Variants in ELAPOR2 observed in about 807,000 individuals in gnomAD.
The protein encoded by ELAPOR2 is endosome/lysosome-associated apoptosis and autophagy regulator family member 2.
Under a neutral mutation model 120.7 loss-of-function variants are expected in ELAPOR2, and 89 were observed. The observed-to-expected ratio is 0.74, with a 90% confidence interval of 0.62 to 0.88. The LOEUF (loss-of-function observed/expected upper bound fraction) is 0.88. Among genes scored for constraint, ELAPOR2 ranks in the 40% least tolerant of loss-of-function variants. The pLI, the probability that ELAPOR2 is intolerant of heterozygous loss-of-function variation, is 0.00. For missense variants in ELAPOR2, 1,134 were observed against 1,251.6 expected (o/e 0.91, Z 1.42); for synonymous variants, 444 against 444.9 (o/e 1.00, Z 0.03).
At chr7:87,037,528 C>T (rs918688922) in intron 1 of ELAPOR2, among the ~76,000 whole-genome samples, 1 of 152,154 alleles carries the variant, frequency 6.6e-6, no homozygotes, top group Admixed American at 6.5e-5. Flanking sequence ...CTCTCCCTCT[C>T]CATTCATACT....
intron 1 of ELAPOR2, among the ~76,000 whole-genome samples, chr7:87,051,481 A>G (rs367974456): frequency 1.2e-3 from 179 of 152,384 alleles, no homozygotes; most frequent in African/African-American, 4.1e-3. Context: ...CATGAGAATA[A>G]TAACTGATAT....
chr7:86,946,159 T>TCTCA (rs148805286), intron 3 of ELAPOR2, among the ~76,000 whole-genome samples: 3 of 146,290 alleles, frequency 2.1e-5, no homozygotes, highest in African/African-American at 7.6e-5. Context: ...ATACCATTTC[T>TCTCA]CACACACACA....
intron 9 of ELAPOR2, 104 bp from the exon 10 acceptor site, chr7:86,925,760 G>A: frequency 9.2e-7 from 1 of 1,085,924 alleles, no homozygotes; most frequent in Non-Finnish European, 1.4e-6. Flanking sequence ...AGGGAGAGAA[G>A]TGGAAAAAAA....
chr7:86,941,356 T>C, intron 5 of ELAPOR2: 1 of 532,852 alleles, frequency 1.9e-6, no homozygotes, highest in South Asian at 1.4e-5. Context: ...TGTTACCTGG[T>C]AATTGCCTTC....
intron 1 of ELAPOR2, among the ~76,000 whole-genome samples, chr7:87,002,655 T>A (rs138053654): frequency 1.3e-5 from 2 of 152,068 alleles, no homozygotes; most frequent in African/African-American, 4.8e-5. Flanking sequence ...CCTCACTTCA[T>A]TGGGGGTAGA....
rs368060456 is a variant in ELAPOR2, at chr7:87,045,934, A to G, written c.189+13391T>C. 6.6e-5 allele frequency among the ~76,000 whole-genome samples: 10 copies of G among 152,192 alleles called. No homozygotes were observed. The South Asian group carries it at 8.3e-4, about 13-fold the overall frequency. On this transcript the variant is annotated intron_variant, in intron 1 of 21. Transcript: ENST00000450689. Reference sequence around the variant, plus strand: ...CACTGTCACCACTGTTATTCACCATAGTACTGGAAATCCTAGATAGAGCAA... The same window carrying G: ...CACTGTCACCACTGTTATTCACCATGGTACTGGAAATCCTAGATAGAGCAA...
chr7:86,971,638 T>G (rs1430871926), intron 1 of ELAPOR2, among the ~76,000 whole-genome samples: 1 of 152,210 alleles, frequency 6.6e-6, no homozygotes, highest in East Asian at 1.9e-4. Context: ...GAATGGAGTT[T>G]CTAAAGAGAG....
intron 1 of ELAPOR2, among the ~76,000 whole-genome samples, chr7:87,016,221 C>T (rs1793862658): frequency 6.6e-6 from 1 of 152,058 alleles, no homozygotes; most frequent in African/African-American, 2.4e-5. Context: ...ATTTTAGACT[C>T]AAAATGTATC....
rs766893611 is a variant in ELAPOR2, at chr7:86,912,144, C to T, written c.2097G>A (p.Met699Ile). The change falls in exon 15 of 22, where the codon ATG becomes ATA. Residue 699 changes from methionine to isoleucine, a missense_variant. Met to Ile is a conservative substitution (Grantham distance 10). Around this residue, in one of 3 missense-constraint regions of ELAPOR2, gnomAD observed 831 missense variants for 867.6 expected, o/e 0.96. Transcript: ENST00000450689. The stretch of plus-strand genomic sequence containing the variant: ...CTTTGGAGGTGAAGCTGGGGCCATT[C>T]ATTAATGAGCCCACACTGCTGAGGT... ...FSNLSSVGSL[M>I]NGPSFTSKGT... 11 of 1,612,908 alleles carry T rather than the reference C, an allele frequency of 6.8e-6. No homozygotes were observed. The Admixed American group carries it at 1.8e-4, about 27-fold the overall frequency.
intron 1 of ELAPOR2, among the ~76,000 whole-genome samples, chr7:87,014,890 TG>T (rs1793819375): frequency 6.6e-6 from 1 of 152,152 alleles, no homozygotes; most frequent in African/African-American, 2.4e-5. Context: ...ATTGTTATGA[TG>T]GTTTCACAGG....
chr7:87,015,504 C>T (rs1166657077), intron 1 of ELAPOR2, among the ~76,000 whole-genome samples: 1 of 152,128 alleles, frequency 6.6e-6, no homozygotes, highest in African/African-American at 2.4e-5. Context: ...GATGAAAAAT[C>T]TGGCCAGACA....
In ELAPOR2 at chr7:86,897,539, A is replaced by T; in HGVS notation, c.2652T>A (p.His884Gln). The change falls in exon 19 of 22, where the codon CAT becomes CAA. Residue 884 changes from histidine (H) to glutamine (Q), a missense_variant. Physicochemically the swap from His to Gln is conservative, Grantham distance 24. Around this residue, in one of 3 missense-constraint regions of ELAPOR2, gnomAD observed 831 missense variants for 867.6 expected, o/e 0.96. Coordinates refer to ENST00000450689, the MANE Select transcript of ELAPOR2 (RefSeq NM_001142749.3). ...ACPLCTEHDFHEIEGACKRGF... is the reference protein window; with the variant it reads ...ACPLCTEHDFQEIEGACKRGF... ...CTCTCTTGCAGGCTCCCTCAATCTC[A>T]TGGAAGTCATGCTCCGTACACAGAG... is the stretch of plus-strand genomic sequence containing the variant. 1 of 1,613,156 alleles carries T rather than the reference A, an allele frequency of 6.2e-7. No homozygotes were observed. Among genetic ancestry groups the T allele is most frequent in the Non-Finnish European group, 8.5e-7 (1 of 1,179,454 alleles).
At chr7:86,996,115 T>C (rs544938408) in intron 1 of ELAPOR2, among the ~76,000 whole-genome samples, 2 of 151,838 alleles carry the variant, frequency 1.3e-5, no homozygotes, top group African/African-American at 4.8e-5. Flanking sequence ...GAAACTTACA[T>C]CCTAGTTAAA....
rs1396502551 is a variant in ELAPOR2 at position 86,938,928 on chromosome 7, T to A, written c.880A>T (p.Lys294Ter). 1 of 1,613,198 alleles carries A rather than the reference T, an allele frequency of 6.2e-7. No homozygotes were observed. Among genetic ancestry groups the A allele is most frequent in the Non-Finnish European group, 8.5e-7 (1 of 1,179,432 alleles). Residue 294 changes from lysine (K) to a stop codon, truncating the protein, a stop_gained, in exon 7 of 22, where the codon AAG (lysine) becomes TAG (stop). Transcript: ENST00000450689. LOFTEE classifies it high-confidence loss of function. ...VAYTSECFPC[K>*]PGTFSNKPGS... Reference sequence around the variant, plus strand: ...GGTTTGTTGCTGAATGTGCCTGGCTTGCAAGGAAAACATTCTGATGTGTAC... The same window carrying A: ...GGTTTGTTGCTGAATGTGCCTGGCTAGCAAGGAAAACATTCTGATGTGTAC...
chr7:87,033,629 G>A (rs1266967598), intron 1 of ELAPOR2, among the ~76,000 whole-genome samples: 5 of 151,792 alleles, frequency 3.3e-5, no homozygotes, highest in Non-Finnish European at 2.9e-5. Flanking sequence ...ATAAATGGGC[G>A]AACTTAAGAG....
chr7:86,940,629 C>T (rs1790761450), intron 5 of ELAPOR2, among the ~76,000 whole-genome samples: 1 of 151,972 alleles, frequency 6.6e-6, no homozygotes, highest in South Asian at 2.1e-4. Flanking sequence ...TACTCTAGAA[C>T]ATTAATAATA....
At chr7:86,919,131 T>G in intron 11 of ELAPOR2, 89 bp downstream of exon 11, 3 of 818,408 alleles carry the variant, frequency 3.7e-6, no homozygotes, top group Non-Finnish European at 6.0e-6. Flanking sequence ...AATATTAATA[T>G]GTTCCATAAA....
chr7:86,972,763 T>C (rs1291363692), intron 1 of ELAPOR2, among the ~76,000 whole-genome samples: 1 of 151,906 alleles, frequency 6.6e-6, no homozygotes, highest in Non-Finnish European at 1.5e-5. Context: ...CAGAGCCATC[T>C]TCCTGCCTTC....
intron 2 of ELAPOR2, among the ~76,000 whole-genome samples, chr7:86,964,050 G>T (rs1017865727): frequency 6.6e-6 from 1 of 152,158 alleles, no homozygotes; most frequent in Non-Finnish European, 1.5e-5. Context: ...TGCTCTCTAT[G>T]AATAGAAAGA....
Sources: gnomAD v4.1 joint callset for allele counts (sites outside exome capture counted in the v4.1 genomes callset) on GRCh38, gnomAD v4.1.1 for gene constraint, gnomAD v4.1.1 regional missense constraint, MANE v1.5 for transcripts, NCBI Gene and HGNC (gene_info 2026-07-23, HGNC 2026-07-21) for gene names.